PARD3B: variants seen among roughly 807,000 people sequenced by gnomAD.
PARD3B encodes the protein partitioning defective 3 homolog B.
A neutral mutation model predicts 130.2 loss-of-function variants in PARD3B; 103 were observed. The ratio of observed to expected loss-of-function variants is 0.79; its 90% CI spans 0.67 to 0.93. The LOEUF is 0.93. PARD3B is among the 40% of genes least tolerant of loss of function. The pLI, the probability that PARD3B is intolerant of heterozygous loss-of-function variation, is 0.00. For synonymous variants in PARD3B, 583 were observed against 553.2 expected, an observed-to-expected ratio of 1.05 and a Z score of -0.76; for missense variants, 1,609 against 1,499.2, an observed-to-expected ratio of 1.07 and a Z score of -1.21.
chr2:205,307,134 A>G (rs1361802396), intron 18 of PARD3B, among the ~76,000 whole-genome samples: 1 of 152,168 alleles, frequency 6.6e-6, no homozygotes, highest in Non-Finnish European at 1.5e-5. Flanking sequence ...TGAATGCCTT[A>G]GTGGTGTTCT....
At chr2:204,968,982 A>G (rs928702673) in intron 3 of PARD3B, among the ~76,000 whole-genome samples, 1 of 152,238 alleles carries the variant, frequency 6.6e-6, no homozygotes, top group South Asian at 2.1e-4. Context: ...GTAATGCTGA[A>G]TGACTGAACC....
chr2:205,043,183 G>T (rs1183196217), intron 3 of PARD3B, among the ~76,000 whole-genome samples: 1 of 151,988 alleles, frequency 6.6e-6, no homozygotes, highest in African/African-American at 2.4e-5. Context: ...TTAGTGCAAG[G>T]TTAGATTTTA....
intron 22 of PARD3B, among the ~76,000 whole-genome samples, chr2:205,567,408 AGGTTCACACCATTCTCCT>A (rs2053390215): frequency 1.5e-5 from 2 of 130,296 alleles, no homozygotes; most frequent in Admixed American, 9.7e-5. Flanking sequence ...TCCGCCTCCC[AGGTTCACACCATTCTCCT>A]GCCTCAGCCT....
At chr2:204,560,588 G>C (rs2031244506) in intron 1 of PARD3B, among the ~76,000 whole-genome samples, 1 of 151,952 alleles carries the variant, frequency 6.6e-6, no homozygotes, top group East Asian at 1.9e-4. Flanking sequence ...GGGAGGGGTG[G>C]GGGCAGCCTA....
rs535190797 is a variant in PARD3B at position 205,292,565 on chromosome 2, C to G, written c.2186-7965C>G. Among the ~76,000 whole-genome samples the G allele has an allele frequency of 6.6e-6, 1 of 152,108 alleles. No individual in the cohort carries two copies. On this transcript the variant is annotated intron_variant, in intron 16 of 22. Transcript: ENST00000406610. This position sits in a 1 kb window ranked among gnomAD's most constrained non-coding sequence, Gnocchi z 5.3. ...AGCATGAGAGAGGCAAGCAAAGACC[C>G]GCAGAGAACAACTCATTTCTCCAAA...
intron 1 of PARD3B, among the ~76,000 whole-genome samples, chr2:204,547,449 T>C (rs575114221): frequency 7.2e-5 from 11 of 152,304 alleles, no homozygotes; most frequent in Admixed American, 6.5e-4. Flanking sequence ...TATAAAGCTG[T>C]GTGAAAATCA....
At position 204,939,024 on chromosome 2, in the gene PARD3B, C is replaced by T. The variant is rs138369771; in HGVS notation, c.223-26128C>T. ...ATATGGCTGGATGGCATCAAATGTA[C>T]GAAACATTAATGATATCTTTTTATA... On this transcript the variant is annotated intron_variant, in intron 2 of 22. Coordinates refer to ENST00000406610, the MANE Select transcript of PARD3B (RefSeq NM_001302769.2). Among the ~76,000 whole-genome samples the T allele has an allele frequency of 8.3e-4, 127 of 152,186 alleles. 1 individual carries two copies. The East Asian group carries it at 0.02, about 25-fold the overall frequency.
intron 3 of PARD3B, among the ~76,000 whole-genome samples, chr2:205,007,498 C>A (rs1451378663): frequency 6.6e-6 from 1 of 152,034 alleles, no homozygotes; most frequent in Non-Finnish European, 1.5e-5. Flanking sequence ...GAGTTTTTGG[C>A]TTTATTTCTG....
In PARD3B at chr2:205,078,910, C is replaced by G. The variant is rs192693382; in HGVS notation, c.505-25516C>G. Among the ~76,000 whole-genome samples, 4 of 152,338 alleles carry G rather than the reference C, an allele frequency of 2.6e-5. No homozygotes were observed. The highest frequency in any genetic ancestry group is 1.3e-4 in the Admixed American group (2 of 15,312). On this transcript the variant is annotated intron_variant, in intron 4 of 22. Coordinates refer to ENST00000406610, the MANE Select transcript of PARD3B (RefSeq NM_001302769.2). This position sits in a 1 kb window ranked among gnomAD's most constrained non-coding sequence, Gnocchi z 4.0. ...CCATGGCAGATCTCCCAGCTTCCAG[C>G]TCGCATCAATGGCCAGCCACGTAAG...
intron 1 of PARD3B, among the ~76,000 whole-genome samples, chr2:204,682,257 A>C (rs905369459): frequency 6.6e-6 from 1 of 152,134 alleles, no homozygotes; most frequent in Non-Finnish European, 1.5e-5. Flanking sequence ...TAAGTTATTT[A>C]ATAACAAAAT....
intron 21 of PARD3B, among the ~76,000 whole-genome samples, chr2:205,532,030 C>T (rs1400295812): frequency 6.6e-6 from 1 of 152,080 alleles, no homozygotes; most frequent in African/African-American, 2.4e-5. Flanking sequence ...ACACTTGTAG[C>T]AATAATCAGT....
At chr2:204,779,668 A>G (rs1488116520) in intron 2 of PARD3B, among the ~76,000 whole-genome samples, 1 of 152,184 alleles carries the variant, frequency 6.6e-6, no homozygotes, top group Non-Finnish European at 1.5e-5. Context: ...CCAGGGCTTC[A>G]TCATTACAAT....
chr2:204,982,481 C>T (rs1274852907), intron 3 of PARD3B, among the ~76,000 whole-genome samples: 1 of 152,238 alleles, frequency 6.6e-6, no homozygotes, highest in Admixed American at 6.5e-5. Flanking sequence ...GGCTTGGCCA[C>T]ATGCTGCAGC....
chr2:205,132,447 C>T (rs1373348370), intron 10 of PARD3B, among the ~76,000 whole-genome samples: 1 of 152,070 alleles, frequency 6.6e-6, no homozygotes, highest in Non-Finnish European at 1.5e-5. Context: ...TCATTCCAAA[C>T]TCTTCATCTT....
chr2:204,945,468 T>G (rs151250312), intron 2 of PARD3B, among the ~76,000 whole-genome samples: 2 of 152,344 alleles, frequency 1.3e-5, no homozygotes, highest in East Asian at 3.9e-4. Context: ...CACAGTGTCT[T>G]AGATCTTATC....
intron 22 of PARD3B, among the ~76,000 whole-genome samples, chr2:205,597,761 C>T (rs1247202763): frequency 6.6e-6 from 1 of 152,142 alleles, no homozygotes; most frequent in African/African-American, 2.4e-5. Flanking sequence ...GAAGGGAAAC[C>T]CCATAAGGCT....
At chr2:205,454,969 A>G (rs1254756854) in intron 20 of PARD3B, among the ~76,000 whole-genome samples, 1 of 152,166 alleles carries the variant, frequency 6.6e-6, no homozygotes, top group Non-Finnish European at 1.5e-5. Flanking sequence ...CAAAGTGTGT[A>G]TGATATTATA....
rs537888399 is a variant in PARD3B, at chr2:205,405,653, C to T, written c.2741+4530C>T. 4.6e-5 allele frequency among the ~76,000 whole-genome samples: 7 copies of T among 152,250 alleles called. No homozygotes were observed. Among genetic ancestry groups the T allele is most frequent in the East Asian group, 1.9e-4 (1 of 5,174 alleles). ...TTAACCTTGGCCTGCTGAGCATCGG[C>T]GTTAGTGATGGTGACCCGTTGATCA... is the stretch of plus-strand genomic sequence containing the variant. On this transcript the variant is annotated intron_variant, in intron 19 of 22. Transcript: ENST00000406610. The surrounding 1 kb of genome is among the most constrained non-coding windows in gnomAD (Gnocchi z 4.1).
rs185065719 is a variant in PARD3B at position 205,230,410 on chromosome 2, T to C, written c.2141-15368T>C. Among the ~76,000 whole-genome samples, 10 of 152,260 alleles carry C rather than the reference T, an allele frequency of 6.6e-5. No homozygotes were observed. The highest frequency in any genetic ancestry group is 2.4e-4 in the African/African-American group (10 of 41,558). On this transcript the variant is annotated intron_variant, in intron 15 of 22. Transcript: ENST00000406610. This position sits in a 1 kb window ranked among gnomAD's most constrained non-coding sequence, Gnocchi z 4.1. ...CTGCGAGTTTCCTTCTGGCAGAGTG[T>C]GTGTCTGGAAATGTCATCCAGGAGC...
Sources: allele counts gnomAD v4.1 joint callset (sites outside exome capture counted in the v4.1 genomes callset), GRCh38; gene constraint gnomAD v4.1.1; non-coding constraint Gnocchi (gnomAD v3.1); transcripts MANE v1.5; gene names NCBI Gene and HGNC (gene_info 2026-07-23, HGNC 2026-07-21).